The following MAGI2 variants were observed in gnomAD, a reference collection of about 807,000 sequenced individuals.
MAGI2 encodes membrane-associated guanylate kinase, WW and PDZ domain-containing protein 2.
Under a neutral mutation model 133.3 loss-of-function variants are expected in MAGI2, and 35 were observed. The ratio of observed to expected loss-of-function variants is 0.26; its 90% confidence interval spans 0.20 to 0.35. MAGI2 has a LOEUF of 0.35. MAGI2 is among the 10% of genes least tolerant of loss of function. The pLI, the probability that MAGI2 is intolerant of heterozygous loss-of-function variation, is 1.00. For synonymous variants in MAGI2, 729 were observed against 710.6 expected (o/e 1.03, Z -0.41); for missense variants, 1,636 against 1,863.4 (o/e 0.88, Z 2.25).
At chr7:78,178,143 C>G (rs771993475) in intron 13 of MAGI2, 41 bp from the exon 14 acceptor site, 1 of 1,269,778 alleles carries the variant, frequency 7.9e-7, no homozygotes, top group Non-Finnish European at 1.2e-6. Flanking sequence ...AATCCTGCCT[C>G]TTTCCCAGCC....
chr7:78,572,239 T>C (rs917910276), intron 3 of MAGI2, among the ~76,000 whole-genome samples: 2 of 152,190 alleles, frequency 1.3e-5, no homozygotes, highest in Non-Finnish European at 2.9e-5. Context: ...ATGACTGTTT[T>C]AATGCTATTT....
intron 1 of MAGI2, among the ~76,000 whole-genome samples, chr7:79,199,247 T>C (rs2129551782): frequency 6.6e-6 from 1 of 152,150 alleles, no homozygotes; most frequent in Middle Eastern, 3.4e-3. Context: ...ATATTAATGA[T>C]AGTGGCTGCA....
intron 1 of MAGI2, among the ~76,000 whole-genome samples, chr7:79,425,854 T>A (rs1847335816): frequency 6.6e-6 from 1 of 152,158 alleles, no homozygotes; most frequent in African/African-American, 2.4e-5. Context: ...ACTATTTGCC[T>A]CTCTGCACTA....
chr7:78,986,547 T>C (rs1231255957), intron 2 of MAGI2, among the ~76,000 whole-genome samples: 1 of 151,926 alleles, frequency 6.6e-6, no homozygotes, highest in South Asian at 2.1e-4. Flanking sequence ...TACAATGGCC[T>C]TGTTGTAGAG....
chr7:78,980,491 G>C (rs995304758), intron 2 of MAGI2, among the ~76,000 whole-genome samples: 1 of 151,752 alleles, frequency 6.6e-6, no homozygotes, highest in African/African-American at 2.4e-5. Flanking sequence ...CTGTTATGTA[G>C]AGTCAAATGA....
intron 1 of MAGI2, among the ~76,000 whole-genome samples, chr7:79,230,695 C>CTT (rs2129554196): frequency 6.6e-6 from 1 of 151,836 alleles, no homozygotes; most frequent in East Asian, 1.9e-4. Flanking sequence ...GATATTAGCC[C>CTT]TTTGTCAGAT....
intron 5 of MAGI2, among the ~76,000 whole-genome samples, chr7:78,493,584 G>A (rs1793815751): frequency 6.6e-6 from 1 of 152,074 alleles, no homozygotes; most frequent in Non-Finnish European, 1.5e-5. Context: ...AACTGAAAGA[G>A]CCAGCTAGCA....
intron 21 of MAGI2, among the ~76,000 whole-genome samples, chr7:78,031,658 C>T (rs1369087374): frequency 2.6e-5 from 4 of 152,164 alleles, no homozygotes; most frequent in Non-Finnish European, 1.5e-5. Flanking sequence ...TGTTCTTCTT[C>T]TTCACAGAAA....
chr7:78,389,874 A>C (rs2151312290), intron 6 of MAGI2, among the ~76,000 whole-genome samples: 1 of 152,350 alleles, frequency 6.6e-6, no homozygotes. Context: ...TATGAGCAAA[A>C]CCATTAAAGG....
At chr7:79,447,949 T>A (rs2129204449) in intron 1 of MAGI2, among the ~76,000 whole-genome samples, 1 of 151,984 alleles carries the variant, frequency 6.6e-6, no homozygotes, top group Middle Eastern at 3.9e-3. Flanking sequence ...GAAGTAAAAG[T>A]TCAACAGCAT....
chr7:78,754,907 C>A (rs1223071886), intron 2 of MAGI2, among the ~76,000 whole-genome samples: 1 of 152,096 alleles, frequency 6.6e-6, no homozygotes, highest in East Asian at 1.9e-4. Context: ...TGAGGAAGTC[C>A]TTTTATATTT....
chr7:78,363,656 G>C (rs1257830562), intron 7 of MAGI2, among the ~76,000 whole-genome samples: 1 of 151,948 alleles, frequency 6.6e-6, no homozygotes, highest in East Asian at 1.9e-4. Flanking sequence ...AATCATGAAA[G>C]TATTGAAAAA....
At chr7:79,176,493 A>T (rs79688956) in intron 1 of MAGI2, among the ~76,000 whole-genome samples, 1,984 of 152,056 alleles carry the variant, frequency 0.013, 66 homozygotes, top group African/African-American at 0.046. Flanking sequence ...GAATGAGAAC[A>T]CTCTCTGGAA....
At chr7:78,295,669 C>T (rs930939629) in intron 9 of MAGI2, among the ~76,000 whole-genome samples, 1 of 152,112 alleles carries the variant, frequency 6.6e-6, no homozygotes, top group Non-Finnish European at 1.5e-5. Flanking sequence ...CTTCTTTGTT[C>T]ATACTTTTAG....
At chr7:78,904,337 A>G (rs1797838165) in intron 2 of MAGI2, among the ~76,000 whole-genome samples, 1 of 152,202 alleles carries the variant, frequency 6.6e-6, no homozygotes, top group East Asian at 1.9e-4. Flanking sequence ...ATGAAAAAAA[A>G]TCAATAATAC....
chr7:78,688,091 T>A (rs1563355857), intron 2 of MAGI2, among the ~76,000 whole-genome samples: 1 of 151,686 alleles, frequency 6.6e-6, no homozygotes, highest in African/African-American at 2.4e-5. Flanking sequence ...GTTAATCACA[T>A]TTAGCATATT....
chr7:78,329,807 G>A (rs1220067682), intron 9 of MAGI2, among the ~76,000 whole-genome samples: 1 of 152,116 alleles, frequency 6.6e-6, no homozygotes, highest in Admixed American at 6.5e-5. Context: ...TACTTACATG[G>A]CACCTAGCCC....
intron 6 of MAGI2, among the ~76,000 whole-genome samples, chr7:78,468,723 G>A (rs1350003014): frequency 6.6e-6 from 1 of 152,116 alleles, no homozygotes; most frequent in Non-Finnish European, 1.5e-5. Context: ...ACCACAATTG[G>A]GAGGTTAAAA....
At chr7:78,270,181 G>A (rs912396086) in intron 9 of MAGI2, among the ~76,000 whole-genome samples, 3 of 152,136 alleles carry the variant, frequency 2.0e-5, no homozygotes, top group African/African-American at 7.2e-5. Context: ...TTGTAGTATA[G>A]TTTGAAGTCT....
Sources: gnomAD v4.1 joint callset for allele counts (sites outside exome capture counted in the v4.1 genomes callset) on GRCh38, gnomAD v4.1.1 for gene constraint, MANE v1.5 for transcripts, NCBI Gene and HGNC (gene_info 2026-07-23, HGNC 2026-07-21) for gene names.